The following KLHL1 variants were observed in gnomAD, a reference collection of about 807,000 sequenced individuals.
The protein encoded by KLHL1 is kelch-like protein 1.
KLHL1 carries 47 observed loss-of-function variants against 77.7 expected under a neutral mutation model. That is an observed-to-expected ratio of 0.60 (90% CI 0.48 to 0.77). The LOEUF is 0.77. Among genes scored for constraint, KLHL1 ranks in the 30% least tolerant of loss-of-function variants. The pLI is 0.00. For missense variants in KLHL1, 925 were observed against 910.8 expected, an observed-to-expected ratio of 1.02 and a Z score of -0.20; for synonymous variants, 360 against 325.2, an observed-to-expected ratio of 1.11 and a Z score of -1.15.
At chr13:69,946,639 C>T (rs984748046) in intron 3 of KLHL1, among the ~76,000 whole-genome samples, 7 of 151,910 alleles carry the variant, frequency 4.6e-5, no homozygotes, top group African/African-American at 7.3e-5. Flanking sequence ...CAGCCTCCCA[C>T]GTAGGTGAGA....
chr13:69,740,272 A>T, intron 8 of KLHL1, 122 bp downstream of exon 8: 1 of 711,198 alleles, frequency 1.4e-6, no homozygotes, highest in Non-Finnish European at 2.2e-6. Context: ...CAATTTAAAA[A>T]TATCAACAGC....
chr13:69,989,477 G>A (rs1884969850), intron 1 of KLHL1, among the ~76,000 whole-genome samples: 4 of 151,838 alleles, frequency 2.6e-5, no homozygotes, highest in Non-Finnish European at 5.9e-5. Flanking sequence ...TTGAGAATTA[G>A]TTTTTTTAGT....
chr13:70,066,457 G>A (rs1329814940), intron 1 of KLHL1, among the ~76,000 whole-genome samples: 7 of 152,130 alleles, frequency 4.6e-5, no homozygotes, highest in Non-Finnish European at 7.4e-5. Flanking sequence ...ATTTTGATGC[G>A]TGATTTATAT....
At chr13:70,100,007 TTTTG>T (rs1340125980) in intron 1 of KLHL1, among the ~76,000 whole-genome samples, 1 of 152,022 alleles carries the variant, frequency 6.6e-6, no homozygotes, top group African/African-American at 2.4e-5. Flanking sequence ...CAAAAAATTA[TTTTG>T]TTTATTCTAG....
intron 3 of KLHL1, among the ~76,000 whole-genome samples, chr13:69,953,022 T>C (rs940385399): frequency 6.6e-6 from 1 of 151,522 alleles, no homozygotes; most frequent in African/African-American, 2.4e-5. Flanking sequence ...GGTGCTTTAG[T>C]TGATTCACTT....
rs140989246 is a variant in KLHL1, at chr13:70,107,626, G to A, written c.74C>T (p.Pro25Leu). 5.4e-5 allele frequency: 85 copies of A among 1,576,808 alleles called. No homozygotes were observed. Among genetic ancestry groups the A allele is most frequent in the Non-Finnish European group, 6.7e-5 (78 of 1,164,002 alleles). The part of the protein sequence containing the change: ...LRLRWKLFSH[P>L]SPSTGGPAGG... The stretch of plus-strand genomic sequence containing the variant: ...CGCCGGGCCGCCGGTGGAAGGAGAC[G>A]GGTGGCTGAAGAGTTTCCAGCGGAG... Residue 25 changes from proline (P) to leucine (L), a missense_variant, in exon 1 of 11, where the codon CCG becomes CTG. Physicochemically the swap from Pro to Leu is moderately conservative, Grantham distance 98 (BLOSUM62 -3). Transcript: ENST00000377844.
At chr13:70,018,935 A>T (rs1341896037) in intron 1 of KLHL1, among the ~76,000 whole-genome samples, 2 of 152,232 alleles carry the variant, frequency 1.3e-5, no homozygotes, top group South Asian at 4.1e-4. Flanking sequence ...ACTTAATGAG[A>T]TCATTTCAAA....
intron 1 of KLHL1, among the ~76,000 whole-genome samples, chr13:70,088,882 C>T (rs566823652): frequency 1.3e-4 from 20 of 152,000 alleles, no homozygotes; most frequent in Non-Finnish European, 2.4e-4. Flanking sequence ...GGGCTATTTA[C>T]GTATTTTTTA....
chr13:70,074,496 G>A (rs1018687518), intron 1 of KLHL1, among the ~76,000 whole-genome samples: 1 of 151,694 alleles, frequency 6.6e-6, no homozygotes, highest in South Asian at 2.1e-4. Flanking sequence ...ATTGATTATC[G>A]TCCACCCAAG....
At chr13:70,062,755 C>A (rs1322029457) in intron 1 of KLHL1, among the ~76,000 whole-genome samples, 1 of 151,994 alleles carries the variant, frequency 6.6e-6, no homozygotes, top group Non-Finnish European at 1.5e-5. Context: ...TCTCTGTGGA[C>A]AAGCATACTA....
At chr13:70,067,440 C>T (rs1887034393) in intron 1 of KLHL1, among the ~76,000 whole-genome samples, 1 of 152,038 alleles carries the variant, frequency 6.6e-6, no homozygotes, top group Non-Finnish European at 1.5e-5. Context: ...TGTCACACAG[C>T]CACTAAGGGT....
Position 69,851,626 on chromosome 13 carries a change from T to C in KLHL1, c.1228-12464A>G, listed in dbSNP as rs148752764. On this transcript the variant is annotated intron_variant, in intron 5 of 10. Transcript: ENST00000377844. ...ACAATTAATCTTAGAATAAAAGATA[T>C]TAATAGACATTGGTATTTCCCTTGC... 8.6e-4 allele frequency among the ~76,000 whole-genome samples: 131 copies of C among 151,892 alleles called. 2 individuals carry two copies. Among genetic ancestry groups the C allele is most frequent in the African/African-American group, 3.1e-3 (128 of 41,516 alleles).
chr13:69,956,546 G>A (rs1031019301), intron 3 of KLHL1, among the ~76,000 whole-genome samples: 3 of 151,360 alleles, frequency 2.0e-5, no homozygotes, highest in African/African-American at 7.3e-5. Flanking sequence ...GCAAGACAGC[G>A]ATGAGTCACT....
Position 69,932,328 on chromosome 13 carries a change from A to C in KLHL1, c.1014+7712T>G, listed in dbSNP as rs528411998. 4.6e-5 allele frequency among the ~76,000 whole-genome samples: 7 copies of C among 151,918 alleles called. No homozygotes were observed. In the East Asian group the frequency reaches 1.4e-3, roughly 29 times the overall value. ...AGATTTTTTTCTCATTAAAAAAAGC[A>C]AATTATTGATTTTATTTGTGGAAGA... is the stretch of plus-strand genomic sequence containing the variant. On this transcript the variant is annotated intron_variant, in intron 4 of 10. Coordinates refer to ENST00000377844, the MANE Select transcript of KLHL1 (RefSeq NM_020866.3).
In KLHL1 at chr13:70,107,466, T is replaced by C. The variant is rs3751427; in HGVS notation, c.234A>G (p.Ser78=). ...AGGAGGAAGAGGACGGGGAGGACGA[T>C]GAAGAGGAAGAGGAGGAAGGCTTCT... ...FWKKPSSSSS[S]SSSPSSSSSS... The change falls in exon 1 of 11, where the codon TCA becomes TCG. Residue 78 remains serine (S), a synonymous_variant. Transcript: ENST00000377844. The C allele has an allele frequency of 0.079, 127,779 of 1,613,850 alleles. 8,263 individuals carry two copies. The highest frequency in any genetic ancestry group is 0.35 in the East Asian group (15,607 of 44,810).
In KLHL1 at chr13:69,929,293, CTG is replaced by C. The variant is rs147055324; in HGVS notation, c.1014+10745_1014+10746del. Among the ~76,000 whole-genome samples, 968 of 152,040 alleles carry C rather than the reference CTG, an allele frequency of 6.4e-3. 21 individuals carry two copies. Among genetic ancestry groups the C allele is most frequent in the Admixed American group, 0.049 (740 of 15,246 alleles). On this transcript the variant is annotated intron_variant, in intron 4 of 10. Coordinates refer to ENST00000377844, the MANE Select transcript of KLHL1 (RefSeq NM_020866.3). ...CTGGTTTTCAAGAATTGAAATTATTCTGTGTTTTATCTCATTTTATATTCAAA... is the reference window on the plus strand; with the variant it reads ...CTGGTTTTCAAGAATTGAAATTATTCTGTTTTATCTCATTTTATATTCAAA...
intron 6 of KLHL1, among the ~76,000 whole-genome samples, chr13:69,829,702 AG>A (rs1259567822): frequency 6.7e-6 from 1 of 150,072 alleles, no homozygotes; most frequent in East Asian, 1.9e-4. Context: ...TGTGAGGCAA[AG>A]CATCAGATAA....
chr13:69,755,648 TA>T (rs376189037), intron 7 of KLHL1, among the ~76,000 whole-genome samples: 3,360 of 151,330 alleles, frequency 0.022, 111 homozygotes, highest in African/African-American at 0.077. Context: ...AAAGTAATTT[TA>T]AAAAAAAAGC....
intron 1 of KLHL1, among the ~76,000 whole-genome samples, chr13:70,013,671 T>C (rs530348687): frequency 6.6e-6 from 1 of 152,324 alleles, no homozygotes; most frequent in South Asian, 2.1e-4. Context: ...AGTGTCATAT[T>C]TGCATTTTAA....
Sources: allele counts gnomAD v4.1 joint callset (sites outside exome capture counted in the v4.1 genomes callset), GRCh38; gene constraint gnomAD v4.1.1; transcripts MANE v1.5; gene names NCBI Gene and HGNC (gene_info 2026-07-23, HGNC 2026-07-21).